Variants in SOCS7 observed in about 807,000 individuals in gnomAD.
SOCS7 encodes the protein NAP-4.
In SOCS7, 18 loss-of-function variants were observed where a neutral mutation model predicts 58.9. The observed-to-expected ratio is 0.31, with a 90% CI of 0.21 to 0.45. SOCS7 has a LOEUF of 0.45. Among genes scored for constraint, SOCS7 ranks in the 20% least tolerant of loss-of-function variants. The pLI is 1.00. For missense variants in SOCS7, 667 were observed against 837.3 expected (o/e 0.80, Z 2.51); for synonymous variants, 388 against 364.3 (o/e 1.06, Z -0.74).
intron 6 of SOCS7, among the ~76,000 whole-genome samples, chr17:38,372,857 G>A (rs9914280): frequency 0.054 from 8,183 of 152,104 alleles, 738 homozygotes; most frequent in African/African-American, 0.19. Flanking sequence ...CTGTAATCCC[G>A]GCACTTTGGG....
chr17:38,368,149 A>C, intron 6 of SOCS7, 99 bp downstream of exon 6: 1 of 1,059,350 alleles, frequency 9.4e-7, no homozygotes, highest in Non-Finnish European at 1.4e-6. Context: ...ATGGAACTAC[A>C]AATAGGGGAA....
chr17:38,368,083 C>T, intron 6 of SOCS7, 33 bp downstream of exon 6: 1 of 1,545,748 alleles, frequency 6.5e-7, no homozygotes, highest in South Asian at 1.2e-5. Context: ...GCTTCTTCCC[C>T]CCTTGATTTG....
chr17:38,362,770 G>A (rs765698835), intron 2 of SOCS7, among the ~76,000 whole-genome samples: 2 of 152,144 alleles, frequency 1.3e-5, no homozygotes, highest in African/African-American at 2.4e-5. Context: ...CTTATCTTGC[G>A]ATACCATGTC....
At chr17:38,356,276 A>G (rs1485062789) in intron 1 of SOCS7, among the ~76,000 whole-genome samples, 1 of 151,938 alleles carries the variant, frequency 6.6e-6, no homozygotes, top group Non-Finnish European at 1.5e-5. Context: ...CAATACTTGG[A>G]AGGCAGAGGC....
chr17:38,372,504 T>C (rs1409057639), intron 6 of SOCS7, among the ~76,000 whole-genome samples: 1 of 152,244 alleles, frequency 6.6e-6, no homozygotes, highest in African/African-American at 2.4e-5. Flanking sequence ...AAGTATCCGC[T>C]TAAAATGTTG....
chr17:38,365,019 G>T (rs930022233), intron 3 of SOCS7, among the ~76,000 whole-genome samples, 163 bp downstream of exon 3: 1 of 152,094 alleles, frequency 6.6e-6, no homozygotes, highest in Non-Finnish European at 1.5e-5. Flanking sequence ...AATTAAATGG[G>T]TCTCACCCGC....
intron 6 of SOCS7, among the ~76,000 whole-genome samples, chr17:38,375,517 GAATACAGTATAT>G (rs1419703971): frequency 1.2e-4 from 19 of 152,040 alleles, no homozygotes; most frequent in Admixed American, 1.0e-3. Flanking sequence ...TTAATTGTAA[GAATACAGTATAT>G]AATACATATC....
At chr17:38,365,919 G>T in intron 4 of SOCS7, 2 of 961,414 alleles carry the variant, frequency 2.1e-6, no homozygotes, top group Non-Finnish European at 2.5e-6. Flanking sequence ...ACTCTTCCTG[G>T]GCAAGTAAGC....
chr17:38,384,891 C>CTTT (rs71138614), intron 7 of SOCS7, among the ~76,000 whole-genome samples: 46 of 76,632 alleles, frequency 6.0e-4, no homozygotes, highest in African/African-American at 8.9e-4. Context: ...GCACCCAGCT[C>CTTT]TTTTTTTTTT....
At chr17:38,357,828 T>C (rs1303932970) in intron 1 of SOCS7, among the ~76,000 whole-genome samples, 1 of 152,210 alleles carries the variant, frequency 6.6e-6, no homozygotes, top group Non-Finnish European at 1.5e-5. Flanking sequence ...TACAGGAGAT[T>C]TATGGGCAAG....
At chr17:38,370,034 G>T (rs971941128) in intron 6 of SOCS7, among the ~76,000 whole-genome samples, 1 of 151,746 alleles carries the variant, frequency 6.6e-6, no homozygotes, top group Non-Finnish European at 1.5e-5. Flanking sequence ...CTCGTGATTC[G>T]CCCGCCTTGG....
At chr17:38,391,707 TA>T (rs2038175265) in intron 7 of SOCS7, among the ~76,000 whole-genome samples, 1 of 152,214 alleles carries the variant, frequency 6.6e-6, no homozygotes, top group African/African-American at 2.4e-5. Flanking sequence ...GGCCTTCTTT[TA>T]CTTTTGACCT....
intron 1 of SOCS7, among the ~76,000 whole-genome samples, chr17:38,355,856 G>A (rs1386689968): frequency 1.3e-5 from 2 of 152,104 alleles, no homozygotes; most frequent in Admixed American, 1.3e-4. Context: ...TCTTCAGTGT[G>A]GTATGAGTTA....
At chr17:38,377,987 G>C (rs926936858) in intron 7 of SOCS7, 145 bp downstream of exon 7, 7 of 703,054 alleles carry the variant, frequency 1.0e-5, no homozygotes, top group African/African-American at 9.0e-5. Context: ...GAGTCCCATG[G>C]TTAATCCCCT....
At chr17:38,358,329 T>C (rs2037667676) in intron 1 of SOCS7, among the ~76,000 whole-genome samples, 1 of 152,256 alleles carries the variant, frequency 6.6e-6, no homozygotes, top group African/African-American at 2.4e-5. Flanking sequence ...TTTATTCATA[T>C]TGCTCTCCAA....
chr17:38,393,089 A>G (rs1277512969), intron 7 of SOCS7, among the ~76,000 whole-genome samples: 1 of 152,086 alleles, frequency 6.6e-6, no homozygotes, highest in Non-Finnish European at 1.5e-5. Context: ...GGCTCACTGT[A>G]GCCTCGAGTT....
rs1348958665 is a variant in SOCS7, at chr17:38,402,137, C to T, written c.*2655C>T. 2.0e-5 allele frequency: 3 copies of T among 152,440 alleles called. No individual in the cohort carries two copies. Among genetic ancestry groups the T allele is most frequent in the African/African-American group, 7.2e-5 (3 of 41,472 alleles). The allele number at this position is 152,440 out of a possible 1,614,324, so 9.4% of individuals were successfully genotyped here. A position where few individuals can be genotyped will look rare whatever the true frequency, so the allele number is the denominator to read the frequency against. On this transcript the variant is annotated 3_prime_UTR_variant, in exon 10 of 10. Transcript: ENST00000612932. The stretch of plus-strand genomic sequence containing the variant: ...GTGTCGTGTTGAACTGTGTCTGTGT[C>T]AGTGCACTGGTCCCAGCCCTGGCCG...
At chr17:38,361,666 G>T (rs587773460) in intron 1 of SOCS7, 45 bp from the exon 2 acceptor site, 1 of 1,467,128 alleles carries the variant, frequency 6.8e-7, no homozygotes, top group African/African-American at 1.4e-5. Flanking sequence ...ATGCATATGT[G>T]TTCATTTCTC....
At position 38,377,832 on chromosome 17, in the gene SOCS7, C is replaced by T; in HGVS notation, c.1671C>T (p.Ser557=). The T allele has an allele frequency of 3.1e-6, 5 of 1,613,210 alleles. No individual in the cohort carries two copies. The highest frequency in any genetic ancestry group is 4.2e-6 in the Non-Finnish European group (5 of 1,179,672). Residue 557 remains serine, a synonymous_variant, in exon 7 of 10, where the codon TCC becomes TCT. Transcript: ENST00000612932. ...GAAAGTTTCTCTATTTCTTAAGATC[C>T]AGGGTTCCAGGTAAGGCTGTACTTC... ...KNGKFLYFLR[S]RVPGLPPTPV...
Sources: gnomAD v4.1 joint callset for allele counts (sites outside exome capture counted in the v4.1 genomes callset) on GRCh38, gnomAD v4.1.1 for gene constraint, MANE v1.5 for transcripts, NCBI Gene and HGNC (gene_info 2026-07-23, HGNC 2026-07-21) for gene names.